The following SEMA3A variants were observed in gnomAD, a reference collection of about 807,000 sequenced individuals.
SEMA3A encodes the protein semaphorin 3A.
A neutral mutation model predicts 97.9 loss-of-function variants in SEMA3A; 29 were observed. The ratio of observed to expected loss-of-function variants is 0.30; its 90% confidence interval spans 0.22 to 0.40. SEMA3A has a LOEUF of 0.40. Ranked by LOEUF, SEMA3A falls within the 10% of genes least tolerant of loss-of-function variation. The pLI is 1.00. For synonymous variants in SEMA3A, 321 were observed against 323.7 expected, an observed-to-expected ratio of 0.99 and a Z score of 0.09; for missense variants, 763 against 951.3, an observed-to-expected ratio of 0.80 and a Z score of 2.60.
chr7:84,010,513 G>A (rs1790837461), intron 9 of SEMA3A, among the ~76,000 whole-genome samples: 1 of 152,128 alleles, frequency 6.6e-6, no homozygotes, highest in African/African-American at 2.4e-5. Context: ...AGATTCCCAT[G>A]CTAATCATCT....
intron 4 of SEMA3A, among the ~76,000 whole-genome samples, chr7:84,093,513 T>C (rs966851020): frequency 2.6e-5 from 4 of 151,884 alleles, no homozygotes; most frequent in Non-Finnish European, 4.4e-5. Context: ...ACAAAAGCAA[T>C]AAATGCAATG....
At chr7:84,349,390 A>C (rs1033102786) in intron 2 of SEMA3A, among the ~76,000 whole-genome samples, 1 of 152,186 alleles carries the variant, frequency 6.6e-6, no homozygotes, top group Non-Finnish European at 1.5e-5. Flanking sequence ...GAATTGCTGA[A>C]ATGGGTATTG....
At chr7:84,242,694 G>T (rs1469867296) in intron 3 of SEMA3A, among the ~76,000 whole-genome samples, 2 of 152,102 alleles carry the variant, frequency 1.3e-5, no homozygotes, top group Non-Finnish European at 2.9e-5. Flanking sequence ...GGTAAGAGAG[G>T]GCATCCTTGT....
At chr7:84,400,038 T>C (rs896347284) in intron 1 of SEMA3A, among the ~76,000 whole-genome samples, 1 of 152,286 alleles carries the variant, frequency 6.6e-6, no homozygotes, top group Non-Finnish European at 1.5e-5. Context: ...GCTGGGCATT[T>C]AGGAGTCTGC....
intron 4 of SEMA3A, among the ~76,000 whole-genome samples, chr7:84,077,371 T>G (rs537747002): frequency 2.0e-5 from 3 of 152,194 alleles, no homozygotes; most frequent in East Asian, 3.9e-4. Context: ...ACCACTTCTT[T>G]TTATAAACGT....
At position 84,425,599 on chromosome 7, in the gene SEMA3A, T is replaced by C. The variant is rs1210782038; in HGVS notation, c.-245-53699A>G. On this transcript the variant is annotated intron_variant, in intron 1 of 3. Transcript: ENST00000424555. ...ATATATTGATATAAATATAAACATA[T>C]TGATATAAATATTAACATATATTTA... Among the ~76,000 whole-genome samples, 3 of 146,548 alleles carry C rather than the reference T, an allele frequency of 2.0e-5. No homozygotes were observed. The East Asian group carries it at 5.9e-4, about 29-fold the overall frequency.
intron 1 of SEMA3A, among the ~76,000 whole-genome samples, chr7:84,403,222 T>G (rs1162143233): frequency 3.3e-5 from 5 of 152,158 alleles, no homozygotes; most frequent in Non-Finnish European, 7.4e-5. Context: ...TCCAACGGGC[T>G]TAACAAACGG....
intron 3 of SEMA3A, among the ~76,000 whole-genome samples, chr7:84,230,731 T>C (rs1799098500): frequency 1.3e-5 from 2 of 152,000 alleles, no homozygotes; most frequent in African/African-American, 4.8e-5. Context: ...TGCAATAATG[T>C]CCTCAAGCTT....
At chr7:84,395,965 T>C (rs1422411408) in intron 1 of SEMA3A, among the ~76,000 whole-genome samples, 1 of 152,048 alleles carries the variant, frequency 6.6e-6, no homozygotes, top group Non-Finnish European at 1.5e-5. Context: ...AATTAGTACC[T>C]GAAGGAAACA....
At chr7:84,367,036 C>G (rs1557789) in intron 2 of SEMA3A, among the ~76,000 whole-genome samples, 80,013 of 150,574 alleles carry the variant, frequency 0.53, 22,710 homozygotes, top group East Asian at 0.91. Flanking sequence ...GAGAATTTAA[C>G]CAACATGTTC....
chr7:84,168,493 TG>T (rs1260614445), intron 1 of SEMA3A, among the ~76,000 whole-genome samples: 1 of 151,972 alleles, frequency 6.6e-6, no homozygotes, highest in Non-Finnish European at 1.5e-5. Flanking sequence ...TAATGTTGGT[TG>T]TTTCATTAAA....
chr7:84,054,118 C>G (rs1217563079), intron 5 of SEMA3A, among the ~76,000 whole-genome samples: 1 of 151,752 alleles, frequency 6.6e-6, no homozygotes, highest in Non-Finnish European at 1.5e-5. Context: ...GAGGGTAACC[C>G]GACCTTTCTC....
At chr7:84,271,710 T>G (rs1193516237) in intron 3 of SEMA3A, among the ~76,000 whole-genome samples, 1 of 152,052 alleles carries the variant, frequency 6.6e-6, no homozygotes, top group African/African-American at 2.4e-5. Context: ...CATGACTCCC[T>G]TTTTAAACTT....
chr7:84,289,549 A>C (rs1322686952), intron 3 of SEMA3A, among the ~76,000 whole-genome samples: 2 of 152,268 alleles, frequency 1.3e-5, no homozygotes, highest in African/African-American at 4.8e-5. Flanking sequence ...ACACAAAATA[A>C]ATGCAATGAA....
intron 3 of SEMA3A, among the ~76,000 whole-genome samples, chr7:84,242,693 G>C (rs759003337): frequency 6.6e-6 from 1 of 152,144 alleles, no homozygotes; most frequent in Non-Finnish European, 1.5e-5. Flanking sequence ...TGGTAAGAGA[G>C]GGCATCCTTG....
intron 4 of SEMA3A, among the ~76,000 whole-genome samples, chr7:84,096,058 C>A: frequency 6.6e-6 from 1 of 151,960 alleles, no homozygotes; most frequent in East Asian, 1.9e-4. Flanking sequence ...TACTAATAAG[C>A]ATTCAATTTA....
intron 3 of SEMA3A, among the ~76,000 whole-genome samples, chr7:84,299,243 T>TATATATATATATATATATCTCC (rs1491583642): frequency 2.6e-5 from 1 of 39,006 alleles, no homozygotes; most frequent in African/African-American, 7.2e-5. Context: ...AAACAGTGTG[T>TATATATATATATATATATCTCC]ATATATATAT....
intron 3 of SEMA3A, among the ~76,000 whole-genome samples, chr7:84,267,018 T>G (rs1014914820): frequency 2.0e-5 from 3 of 152,148 alleles, no homozygotes; most frequent in Admixed American, 1.3e-4. Context: ...AGGGTACATA[T>G]ATGATACCAT....
chr7:84,369,936 G>C (rs953859645), intron 2 of SEMA3A, among the ~76,000 whole-genome samples: 2 of 150,592 alleles, frequency 1.3e-5, no homozygotes, highest in Non-Finnish European at 3.0e-5. Flanking sequence ...GGCTGGACCT[G>C]TTATTTAAAG....
Sources: gnomAD v4.1 joint callset for allele counts (sites outside exome capture counted in the v4.1 genomes callset) on GRCh38, gnomAD v4.1.1 for gene constraint, MANE v1.5 for transcripts, NCBI Gene and HGNC (gene_info 2026-07-23, HGNC 2026-07-21) for gene names.